The following C16orf96 variants were observed in gnomAD, a reference collection of about 807,000 sequenced individuals.
The protein encoded by C16orf96 is uncharacterized protein C16orf96.
C16orf96 carries 108 observed loss-of-function variants against 103.6 expected under a neutral mutation model. The ratio of observed to expected loss-of-function variants is 1.04; its 90% CI spans 0.89 to 1.22. The LOEUF is 1.22. C16orf96 is among the 50% of genes most tolerant of loss of function. C16orf96 has a pLI of 0.00. For missense variants in C16orf96, 1,586 were observed against 1,464.2 expected, an observed-to-expected ratio of 1.08 and a Z score of -1.36; for synonymous variants, 566 against 593.5, an observed-to-expected ratio of 0.95 and a Z score of 0.67.
chr16:4,579,036 C>G lies in C16orf96; in HGVS notation c.2241+11C>G. 1 of 1,550,676 alleles carries G rather than the reference C, an allele frequency of 6.4e-7. No individual in the cohort carries two copies. Among genetic ancestry groups the G allele is most frequent in the Non-Finnish European group, 8.7e-7 (1 of 1,146,216 alleles). On this transcript the variant is annotated intron_variant, in intron 6 of 15. Transcript: ENST00000444310. ...AAATCTAGGCTCAAGGTTAGTGTCT[C>G]CGGCGAAGGGCTTTTGAGGCAGTGA...
In C16orf96 at chr16:4,600,226, A is replaced by T. The variant is rs1236473105; in HGVS notation, c.3335A>T (p.Gln1112Leu). 6.4e-7 allele frequency: 1 copy of T among 1,551,440 alleles called. No individual in the cohort carries two copies. The highest frequency in any genetic ancestry group is 2.0e-5 in the Admixed American group (1 of 50,974). Residue 1112 changes from glutamine (Q) to leucine (L), a missense_variant, in exon 16 of 16, where the codon CAG (glutamine) becomes CTG (leucine). Physicochemically the swap from Gln to Leu is moderately radical, Grantham distance 113. Coordinates refer to ENST00000444310, the MANE Select transcript of C16orf96 (RefSeq NM_001145011.2). ...CTGATTCCATCCCTAAGGGACCCCC[A>T]GCAGGCCCCAGGGTCCACCAGGCTC... ...PPLIPSLRDP[Q>L]QAPGSTRLSR...
chr16:4,560,923 G>A (rs2059323447), intron 1 of C16orf96: 1 of 152,226 alleles, frequency 6.6e-6, no homozygotes, highest in Admixed American at 6.6e-5. Flanking sequence ...GGAGGCTGAG[G>A]TGGGTGGATC....
chr16:4,548,627 C>G, the C16orf96 span, among the ~76,000 whole-genome samples: 65 of 152,290 alleles, frequency 4.3e-4, 1 homozygote, highest in East Asian at 0.012. Flanking sequence ...AATCCCAGCC[C>G]TCTGGGAGGC....
chr16:4,543,585 A>C, the C16orf96 span, among the ~76,000 whole-genome samples: 2 of 152,124 alleles, frequency 1.3e-5, no homozygotes, highest in East Asian at 3.8e-4. Flanking sequence ...TTGGCCACCC[A>C]AAGTGCTGCG....
chr16:4,542,266 G>A, the C16orf96 span, among the ~76,000 whole-genome samples: 1 of 152,228 alleles, frequency 6.6e-6, no homozygotes, highest in Non-Finnish European at 1.5e-5. Context: ...TCAGGAGGCT[G>A]AGGCAGGAGG....
At chr16:4,565,183 G>T (rs1193865197) in intron 1 of C16orf96, among the ~76,000 whole-genome samples, 1 of 152,134 alleles carries the variant, frequency 6.6e-6, no homozygotes, top group Non-Finnish European at 1.5e-5. Context: ...GAGAGAGAGA[G>T]AGCAGGTTTG....
At chr16:4,574,156 T>C (rs1350257226) in intron 2 of C16orf96, among the ~76,000 whole-genome samples, 2 of 151,746 alleles carry the variant, frequency 1.3e-5, no homozygotes, top group Non-Finnish European at 2.9e-5. Context: ...TTAATGTGCT[T>C]TTGCTCATTC....
intron 1 of C16orf96, among the ~76,000 whole-genome samples, chr16:4,563,740 CGTATTTTT>C (rs2059357487): frequency 6.6e-6 from 1 of 150,644 alleles, no homozygotes. Flanking sequence ...AGCTAATTTT[CGTATTTTT>C]AGTAGAGACG....
intron 1 of C16orf96, among the ~76,000 whole-genome samples, chr16:4,564,624 G>T (rs932472080): frequency 2.0e-5 from 3 of 152,094 alleles, no homozygotes; most frequent in African/African-American, 7.2e-5. Flanking sequence ...CAGCCTGGCC[G>T]ATGTGGCAAA....
intron 1 of C16orf96, among the ~76,000 whole-genome samples, chr16:4,558,268 C>G (rs1020484971): frequency 2.7e-4 from 41 of 152,192 alleles, no homozygotes; most frequent in Non-Finnish European, 1.6e-4. Context: ...CCCCTGCTAA[C>G]CCCGACCAGC....
intron 9 of C16orf96, among the ~76,000 whole-genome samples, chr16:4,590,754 C>T (rs918432735): frequency 1.3e-4 from 19 of 150,858 alleles, no homozygotes; most frequent in African/African-American, 4.6e-4. Context: ...CGTGGTGGCT[C>T]ACGTCTGTAA....
Position 4,559,673 on chromosome 16 carries a change from G to C in C16orf96, c.420+2764G>C, listed in dbSNP as rs182173196. Among the ~76,000 whole-genome samples, 7 of 152,264 alleles carry C rather than the reference G, an allele frequency of 4.6e-5. No individual in the cohort carries two copies. The East Asian group carries it at 1.2e-3, about 25-fold the overall frequency. Reference sequence around the variant, plus strand: ...AAAATTCGGTGGCACACGATATATTGACATTGTTGTGCAGCCAGCCACCTC... The same window carrying C: ...AAAATTCGGTGGCACACGATATATTCACATTGTTGTGCAGCCAGCCACCTC... On this transcript the variant is annotated intron_variant, in intron 1 of 15. Transcript: ENST00000444310.
the C16orf96 span, among the ~76,000 whole-genome samples, chr16:4,542,372 AT>A: frequency 4.6e-5 from 7 of 152,342 alleles, no homozygotes; most frequent in Admixed American, 1.3e-4. Flanking sequence ...CTCTAAAAAA[AT>A]AAATAAATAA....
the C16orf96 span, among the ~76,000 whole-genome samples, chr16:4,544,352 TC>T: frequency 6.6e-6 from 1 of 152,166 alleles, no homozygotes; most frequent in African/African-American, 2.4e-5. Context: ...ACTCATGTAA[TC>T]CAAGAACTTT....
At chr16:4,579,940 C>A in intron 6 of C16orf96, 75 bp from the exon 7 acceptor site, 1 of 1,279,038 alleles carries the variant, frequency 7.8e-7, no homozygotes, top group Non-Finnish European at 1.1e-6. Flanking sequence ...TGGCCTCAAC[C>A]CTCCCTCAGG....
At chr16:4,586,959 G>A in intron 7 of C16orf96, 80 bp from the exon 8 acceptor site, 1 of 1,295,376 alleles carries the variant, frequency 7.7e-7, no homozygotes, top group Non-Finnish European at 1.1e-6. Context: ...CCAGCATATG[G>A]TAATGGTAGA....
chr16:4,575,479 A>G lies in C16orf96; in HGVS notation c.999A>G (p.Glu333=), dbSNP rs1248502373. The change falls in exon 5 of 16, where the codon GAA becomes GAG. Residue 333 remains glutamate, a synonymous_variant. Transcript: ENST00000444310. ...CACCTGGGCCTGCACCTGGGACTGAACCTGTGCCAGGACTGGAGCTGGGGC... is the reference window on the plus strand; with the variant it reads ...CACCTGGGCCTGCACCTGGGACTGAGCCTGTGCCAGGACTGGAGCTGGGGC... ...EFAPGPAPGT[E]PVPGLELGLE... 1.3e-6 allele frequency: 2 copies of G among 1,547,512 alleles called. No individual in the cohort carries two copies. Among genetic ancestry groups the G allele is most frequent in the Non-Finnish European group, 1.7e-6 (2 of 1,146,728 alleles).
the C16orf96 span, among the ~76,000 whole-genome samples, chr16:4,540,614 C>T: frequency 6.6e-6 from 1 of 151,942 alleles, no homozygotes; most frequent in African/African-American, 2.4e-5. Context: ...GTAATCCCAG[C>T]TATTCGGGAG....
chr16:4,546,457 C>CTTTTTT, the C16orf96 span, among the ~76,000 whole-genome samples: 1 of 104,548 alleles, frequency 9.6e-6, no homozygotes, highest in Non-Finnish European at 1.8e-5. Context: ...CGCGCCCGGA[C>CTTTTTT]TTTTTTTTTT....
Sources: gnomAD v4.1 joint callset for allele counts (sites outside exome capture counted in the v4.1 genomes callset) on GRCh38, gnomAD v4.1.1 for gene constraint, MANE v1.5 for transcripts, NCBI Gene and HGNC (gene_info 2026-07-23, HGNC 2026-07-21) for gene names.